TCF4: variants seen among roughly 807,000 people sequenced by gnomAD.
The protein encoded by TCF4 is SL3-3 enhancer factor 2.
In TCF4, 3 loss-of-function variants were observed where a neutral mutation model predicts 82.1. That is an observed-to-expected ratio of 0.04 (90% CI 0.02 to 0.09). TCF4 has a LOEUF of 0.09. Among genes scored for constraint, TCF4 ranks in the 10% least tolerant of loss-of-function variants. The pLI, the probability that TCF4 is intolerant of heterozygous loss-of-function variation, is 1.00. For synonymous variants in TCF4, 276 were observed against 309.6 expected (o/e 0.89, Z 1.14); for missense variants, 518 against 852.7 (o/e 0.61, Z 4.89).
chr18:55,348,721 C>T (rs945438606), intron 8 of TCF4, among the ~76,000 whole-genome samples: 1 of 152,160 alleles, frequency 6.6e-6, no homozygotes, highest in African/African-American at 2.4e-5. Context: ...CAATGCACTC[C>T]TTAGAAATTG....
At chr18:55,241,188 G>C (rs2051092834) in intron 15 of TCF4, among the ~76,000 whole-genome samples, 1 of 152,178 alleles carries the variant, frequency 6.6e-6, no homozygotes, top group South Asian at 2.1e-4. Context: ...ACGGATGTGA[G>C]CCGACCTCAG....
chr18:55,330,644 C>T (rs2077394481), intron 8 of TCF4, among the ~76,000 whole-genome samples: 2 of 152,144 alleles, frequency 1.3e-5, no homozygotes, highest in South Asian at 4.1e-4. Flanking sequence ...TGGCTCACTG[C>T]CACCTCTGCC....
chr18:55,596,300 C>T (rs2097690914), intron 2 of TCF4: 1 of 278,696 alleles, frequency 3.6e-6, no homozygotes, highest in Non-Finnish European at 7.2e-6. Flanking sequence ...TGTCACTGAG[C>T]TGTAAGCAGA....
chr18:55,497,572 A>G (rs1397586175), intron 3 of TCF4, among the ~76,000 whole-genome samples: 2 of 152,236 alleles, frequency 1.3e-5, no homozygotes, highest in African/African-American at 4.8e-5. Flanking sequence ...CCAAACTAAA[A>G]TATACAAGTT....
chr18:55,528,349 C>G (rs953506992), intron 3 of TCF4, among the ~76,000 whole-genome samples: 2 of 151,704 alleles, frequency 1.3e-5, no homozygotes, highest in Non-Finnish European at 3.0e-5. Flanking sequence ...ACCCTTCACA[C>G]ATTCAGAAAC....
intron 3 of TCF4, among the ~76,000 whole-genome samples, chr18:55,514,671 C>G (rs1012909952): frequency 6.6e-6 from 1 of 152,132 alleles, no homozygotes; most frequent in Non-Finnish European, 1.5e-5. Flanking sequence ...CTGCTCAGGG[C>G]AGCCGCAGCA....
At chr18:55,475,242 G>A (rs189146106) in intron 3 of TCF4, among the ~76,000 whole-genome samples, 1 of 152,250 alleles carries the variant, frequency 6.6e-6, no homozygotes, top group Admixed American at 6.5e-5. Context: ...TTCCTTCTGT[G>A]ATATTAGAAT....
intron 2 of TCF4, among the ~76,000 whole-genome samples, chr18:55,605,802 G>C (rs997103108): frequency 6.6e-6 from 1 of 152,216 alleles, no homozygotes; most frequent in African/African-American, 2.4e-5. Context: ...GGGCAACAGA[G>C]GCAAATAACC....
At chr18:55,464,182 T>C (rs769027653) in intron 3 of TCF4, 45 bp from the exon 4 acceptor site, 7 of 1,576,394 alleles carry the variant, frequency 4.4e-6, no homozygotes, top group Non-Finnish European at 6.1e-6. Flanking sequence ...GCAGTAATTT[T>C]TTCTTTTTGT....
intron 3 of TCF4, among the ~76,000 whole-genome samples, chr18:55,534,249 C>A (rs148138116): frequency 9.2e-5 from 14 of 152,176 alleles, no homozygotes; most frequent in African/African-American, 3.4e-4. Context: ...AGATTAGGGA[C>A]GCTCAACCTG....
chr18:55,261,378 C>T, intron 12 of TCF4, 88 bp downstream of exon 12: 1 of 1,494,952 alleles, frequency 6.7e-7, no homozygotes. Flanking sequence ...ATTTGCCATT[C>T]ATTTTCTAAA....
chr18:55,464,403 C>T (rs1568120241), intron 3 of TCF4, among the ~76,000 whole-genome samples: 1 of 152,120 alleles, frequency 6.6e-6, no homozygotes, highest in Non-Finnish European at 1.5e-5. Context: ...TAGCCTCAGT[C>T]TTTATAGATG....
At chr18:55,502,707 AT>A (rs2096713900) in intron 3 of TCF4, among the ~76,000 whole-genome samples, 1 of 152,218 alleles carries the variant, frequency 6.6e-6, no homozygotes, top group Admixed American at 6.5e-5. Context: ...GGTATCTCTC[AT>A]GCTCTTCACA....
At chr18:55,399,872 TCTCTCTCTCACA>T (rs1250534144) in intron 6 of TCF4, among the ~76,000 whole-genome samples, 53 of 132,076 alleles carry the variant, frequency 4.0e-4, no homozygotes, top group African/African-American at 1.5e-3. Context: ...TCTCTCTCTC[TCTCTCTCTCACA>T]CACACACACA....
chr18:55,378,916 C>A (rs780924451), intron 6 of TCF4, among the ~76,000 whole-genome samples: 1 of 152,208 alleles, frequency 6.6e-6, no homozygotes, highest in Non-Finnish European at 1.5e-5. Context: ...TCAATAGAGG[C>A]TAGTTTGAGA....
intron 3 of TCF4, among the ~76,000 whole-genome samples, chr18:55,575,839 C>A (rs2097523992): frequency 6.6e-6 from 1 of 152,128 alleles, no homozygotes; most frequent in Non-Finnish European, 1.5e-5. Context: ...TATCTGGCCA[C>A]TTCACAATGT....
At chr18:55,327,254 T>C (rs370460112) in intron 8 of TCF4, among the ~76,000 whole-genome samples, 70 of 152,242 alleles carry the variant, frequency 4.6e-4, no homozygotes, top group Non-Finnish European at 7.8e-4. Context: ...AACACACTTA[T>C]CGGATAAGTA....
intron 6 of TCF4, among the ~76,000 whole-genome samples, chr18:55,356,754 T>C (rs929186774): frequency 2.0e-5 from 3 of 152,170 alleles, no homozygotes; most frequent in African/African-American, 7.2e-5. Flanking sequence ...TTATCAAGCG[T>C]TGTTTTAAAA....
At chr18:55,563,373 C>T (rs1292983049) in intron 3 of TCF4, among the ~76,000 whole-genome samples, 3 of 151,878 alleles carry the variant, frequency 2.0e-5, no homozygotes, top group Admixed American at 2.0e-4. Context: ...TTTTTCTCAT[C>T]CGTGAATTCA....
Sources: allele counts gnomAD v4.1 joint callset (sites outside exome capture counted in the v4.1 genomes callset), GRCh38; gene constraint gnomAD v4.1.1; transcripts MANE v1.5; gene names NCBI Gene and HGNC (gene_info 2026-07-23, HGNC 2026-07-21).